VDR: variants seen among roughly 807,000 people sequenced by gnomAD.
VDR encodes the protein vitamin D3 receptor.
VDR carries 19 observed loss-of-function variants against 39.7 expected under a neutral mutation model. The ratio of observed to expected loss-of-function variants is 0.48; its 90% CI spans 0.33 to 0.70. The LOEUF (loss-of-function observed/expected upper bound fraction) is 0.70, where lower values mean the gene tolerates loss of function less well. Among genes scored for constraint, VDR ranks in the 30% least tolerant of loss-of-function variants. VDR has a pLI of 0.02. For missense variants in VDR, 442 were observed against 570.5 expected (o/e 0.77, Z 2.29); for synonymous variants, 242 against 215.8 (o/e 1.12, Z -1.07).
At chr12:47,868,243 C>A (rs954282342) in intron 3 of VDR, among the ~76,000 whole-genome samples, 1 of 152,226 alleles carries the variant, frequency 6.6e-6, no homozygotes, top group African/African-American at 2.4e-5. Flanking sequence ...AATGACCCAA[C>A]AGTCAAGGAA....
At chr12:47,879,767 C>G (rs553012990) in intron 2 of VDR, among the ~76,000 whole-genome samples, 2 of 152,220 alleles carry the variant, frequency 1.3e-5, no homozygotes, top group African/African-American at 4.8e-5. Flanking sequence ...TATTTCCCCC[C>G]CCTTTTTTTG....
intron 6 of VDR, 51 bp from the exon 7 acceptor site, chr12:47,855,852 G>A (rs745838276): frequency 6.2e-7 from 1 of 1,607,908 alleles, no homozygotes; most frequent in South Asian, 1.1e-5. Context: ...CTTGGACCAG[G>A]CCCCCTCCTG....
At chr12:47,889,068 C>A (rs1337731515) in intron 1 of VDR, among the ~76,000 whole-genome samples, 1 of 152,084 alleles carries the variant, frequency 6.6e-6, no homozygotes, top group Non-Finnish European at 1.5e-5. Context: ...AGAAAAAATT[C>A]TAAGAAAGTC....
At chr12:47,871,392 C>T (rs527694016) in intron 3 of VDR, among the ~76,000 whole-genome samples, 8 of 116,988 alleles carry the variant, frequency 6.8e-5, no homozygotes, top group East Asian at 4.4e-4. Flanking sequence ...TTCCTTCCTT[C>T]CTCTCTTTCT....
At chr12:47,850,828 T>C (rs543197366) in intron 7 of VDR, among the ~76,000 whole-genome samples, 11 of 152,112 alleles carry the variant, frequency 7.2e-5, no homozygotes, top group Non-Finnish European at 1.5e-4. Flanking sequence ...TGTTGCTGTT[T>C]CGTCTTTCCC....
At chr12:47,898,693 C>G (rs567154119) in intron 1 of VDR, 1 of 155,344 alleles carries the variant, frequency 6.4e-6, no homozygotes, top group African/African-American at 2.4e-5. Flanking sequence ...AGTGCAAACT[C>G]ATGAACTGCA....
intron 3 of VDR, among the ~76,000 whole-genome samples, chr12:47,868,775 T>G (rs940623336): frequency 2.7e-4 from 39 of 143,944 alleles, no homozygotes; most frequent in Non-Finnish European, 2.9e-4. Flanking sequence ...CTTTTTTTTT[T>G]TTTTGTTTTT....
intron 4 of VDR, among the ~76,000 whole-genome samples, chr12:47,863,508 C>T (rs574384170): frequency 9.8e-5 from 15 of 152,320 alleles, no homozygotes; most frequent in African/African-American, 3.4e-4. Flanking sequence ...GGAGATGGGA[C>T]TGTGCTGAGC....
At chr12:47,854,162 CCCAG>C (rs1201756847) in intron 7 of VDR, among the ~76,000 whole-genome samples, 1 of 152,060 alleles carries the variant, frequency 6.6e-6, no homozygotes, top group Non-Finnish European at 1.5e-5. Context: ...TGCTCTGTTG[CCCAG>C]GCTGGAGTGC....
At chr12:47,850,089 A>G (rs1012366985) in intron 7 of VDR, among the ~76,000 whole-genome samples, 2 of 152,180 alleles carry the variant, frequency 1.3e-5, no homozygotes, top group Admixed American at 1.3e-4. Context: ...ACCTCAAGTG[A>G]GTCCTGCCCA....
chr12:47,857,475 C>T (rs753860651), intron 5 of VDR, 29 bp downstream of exon 5: 54 of 1,613,904 alleles, frequency 3.3e-5, no homozygotes, highest in South Asian at 1.9e-4. Flanking sequence ...TCCTCTGGAC[C>T]GGCTCATCCT....
rs76185969 is a variant in VDR, at chr12:47,861,495, C to T, written c.277+3552G>A. Among the ~76,000 whole-genome samples the T allele has an allele frequency of 2.7e-3, 416 of 152,254 alleles. 2 individuals are homozygous for T. The highest frequency in any genetic ancestry group is 8.1e-3 in the African/African-American group (337 of 41,546). The stretch of plus-strand genomic sequence containing the variant: ...ACATATGCAAATGCACTGTGATTTA[C>T]GAAATAATTTGTTTAAAGATCTTGT... On this transcript the variant is annotated intron_variant, in intron 4 of 9. Transcript: ENST00000549336.
intron 1 of VDR, chr12:47,904,644 G>T: frequency 1.3e-6 from 2 of 1,535,472 alleles, no homozygotes; most frequent in Non-Finnish European, 1.7e-6. Context: ...AAGGCGCCCC[G>T]ACAGAAGAAG....
intron 1 of VDR, among the ~76,000 whole-genome samples, chr12:47,888,314 C>T (rs989359180): frequency 1.1e-4 from 16 of 152,086 alleles, no homozygotes; most frequent in South Asian, 2.1e-4. Flanking sequence ...TCGGTGGGGA[C>T]GCAGCCAAAC....
intron 1 of VDR, among the ~76,000 whole-genome samples, chr12:47,900,350 G>T (rs559693332): frequency 6.6e-6 from 1 of 152,174 alleles, no homozygotes; most frequent in African/African-American, 2.4e-5. Context: ...TTTACTGCGG[G>T]TGTATAATGT....
intron 7 of VDR, among the ~76,000 whole-genome samples, chr12:47,853,461 A>AG: frequency 7.0e-6 from 1 of 142,878 alleles, no homozygotes; most frequent in East Asian, 2.1e-4. Flanking sequence ...AAAAAAAAAA[A>AG]AAGAATATTG....
intron 7 of VDR, among the ~76,000 whole-genome samples, chr12:47,847,311 C>T (rs932381508): frequency 1.9e-4 from 29 of 152,030 alleles, no homozygotes; most frequent in African/African-American, 6.0e-4. Context: ...AGAGCTCCAG[C>T]GTCTTTTCCA....
chr12:47,879,334 G>C (rs944162193), intron 2 of VDR, among the ~76,000 whole-genome samples: 3 of 152,206 alleles, frequency 2.0e-5, no homozygotes, highest in African/African-American at 7.2e-5. Context: ...TCAGAGCATG[G>C]CTTGGAATCA....
chr12:47,893,663 C>G (rs1471076977), intron 1 of VDR, among the ~76,000 whole-genome samples: 1 of 152,172 alleles, frequency 6.6e-6, no homozygotes, highest in Non-Finnish European at 1.5e-5. Context: ...GCAGGATCCC[C>G]AAACCTGCCT....
Sources: allele counts gnomAD v4.1 joint callset (sites outside exome capture counted in the v4.1 genomes callset), GRCh38; gene constraint gnomAD v4.1.1; transcripts MANE v1.5; gene names NCBI Gene and HGNC (gene_info 2026-07-23, HGNC 2026-07-21).